Variants in NALCN observed in about 807,000 individuals in gnomAD.
The protein encoded by NALCN is sodium leak channel NALCN.
Under a neutral mutation model 225.3 loss-of-function variants are expected in NALCN, and 111 were observed. That is an observed-to-expected ratio of 0.49 (90% CI 0.42 to 0.58). NALCN has a LOEUF of 0.58. Among genes scored for constraint, NALCN ranks in the 20% least tolerant of loss-of-function variants. The pLI is 0.00. For synonymous variants in NALCN, 764 were observed against 769.0 expected (o/e 0.99, Z 0.11); for missense variants, 1,378 against 2,202.4 (o/e 0.63, Z 7.49).
At chr13:101,346,079 CTCTCTCTCTA>C (rs1187797608) in intron 6 of NALCN, among the ~76,000 whole-genome samples, 6 of 92,756 alleles carry the variant, frequency 6.5e-5, no homozygotes, top group Non-Finnish European at 8.8e-5. Flanking sequence ...CTCTCTCTCT[CTCTCTCTCTA>C]TATATATATA....
At chr13:101,252,521 AG>A (rs1007233106) in intron 11 of NALCN, among the ~76,000 whole-genome samples, 2 of 152,132 alleles carry the variant, frequency 1.3e-5, no homozygotes, top group Non-Finnish European at 2.9e-5. Flanking sequence ...CATGAGTAGC[AG>A]GGGAAGAGCC....
chr13:101,359,535 T>C (rs2046163179), intron 6 of NALCN, among the ~76,000 whole-genome samples: 1 of 152,248 alleles, frequency 6.6e-6, no homozygotes, highest in African/African-American at 2.4e-5. Context: ...TTAATGTTTA[T>C]GATTCACTTG....
chr13:101,121,075 C>A (rs552753423), intron 18 of NALCN, among the ~76,000 whole-genome samples: 1 of 152,228 alleles, frequency 6.6e-6, no homozygotes, highest in South Asian at 2.1e-4. Flanking sequence ...ATTATTCAGA[C>A]AATCTTTTTA....
At chr13:101,155,082 A>C (rs371552152) in intron 15 of NALCN, among the ~76,000 whole-genome samples, 2 of 151,716 alleles carry the variant, frequency 1.3e-5, no homozygotes, top group African/African-American at 4.8e-5. Flanking sequence ...ATTACAGCTT[A>C]CCATAGAAAA....
chr13:101,170,573 C>G (rs2038664942), intron 15 of NALCN, among the ~76,000 whole-genome samples: 1 of 152,152 alleles, frequency 6.6e-6, no homozygotes, highest in Admixed American at 6.5e-5. Flanking sequence ...AAACATTCAC[C>G]TAGAGCTCAT....
At chr13:101,390,852 G>A (rs1396784597) in intron 3 of NALCN, among the ~76,000 whole-genome samples, 1 of 140,340 alleles carries the variant, frequency 7.1e-6, no homozygotes. Context: ...AGCAAAGAAA[G>A]AAACTAATAA....
At chr13:101,203,444 T>C (rs183257648) in intron 13 of NALCN, among the ~76,000 whole-genome samples, 4 of 152,294 alleles carry the variant, frequency 2.6e-5, no homozygotes, top group Admixed American at 2.0e-4. Flanking sequence ...CTTGAACTCC[T>C]GACCTCAGGT....
chr13:101,133,234 G>C (rs924107519), intron 17 of NALCN, among the ~76,000 whole-genome samples: 5 of 152,144 alleles, frequency 3.3e-5, no homozygotes, highest in African/African-American at 9.7e-5. Flanking sequence ...ATATTTATTT[G>C]ACAAAGCACA....
chr13:101,235,460 T>A (rs544761989), intron 12 of NALCN, among the ~76,000 whole-genome samples: 1 of 152,214 alleles, frequency 6.6e-6, no homozygotes, highest in South Asian at 2.1e-4. Flanking sequence ...ATATAAAGGA[T>A]ATTCTCTATA....
rs547481581 is a variant in NALCN, at chr13:101,278,290, C to G, written c.1134+5643G>C. The stretch of plus-strand genomic sequence containing the variant: ...CTGTAATCCCAGCACTTTGGGAGGC[C>G]GAGGTGGGCGGATCATGAGGTCAGG... On this transcript the variant is annotated intron_variant, in intron 10 of 43. Transcript: ENST00000251127. Among the ~76,000 whole-genome samples, 29 of 151,962 alleles carry G rather than the reference C, an allele frequency of 1.9e-4. 1 individual carries two copies. The East Asian group carries it at 5.0e-3, about 26-fold the overall frequency.
intron 7 of NALCN, among the ~76,000 whole-genome samples, chr13:101,302,695 T>G (rs755947547): frequency 1.3e-5 from 2 of 152,154 alleles, no homozygotes; most frequent in African/African-American, 2.4e-5. Flanking sequence ...TGGTTAAAAC[T>G]GAATAGAAAA....
intron 6 of NALCN, among the ~76,000 whole-genome samples, chr13:101,357,791 C>G (rs1178653254): frequency 6.6e-6 from 1 of 152,094 alleles, no homozygotes; most frequent in African/African-American, 2.4e-5. Context: ...AACTATACTA[C>G]AAGGCTAGAG....
At chr13:101,156,397 C>T (rs1043400194) in intron 15 of NALCN, among the ~76,000 whole-genome samples, 7 of 152,092 alleles carry the variant, frequency 4.6e-5, no homozygotes, top group African/African-American at 9.7e-5. Flanking sequence ...CTTCTAGGCT[C>T]CCTCAGCAGA....
At position 101,400,770 on chromosome 13, in the gene NALCN, C is replaced by T. The variant is rs140228491; in HGVS notation, c.-39-1605G>A. ...CCTGATATGGGTTGGCTGTGTCCTC[C>T]CACCCCCCAAAATTTCATCTTGAAT... On this transcript the variant is annotated intron_variant, in intron 1 of 43. Transcript: ENST00000251127. Among the ~76,000 whole-genome samples, 277 of 152,132 alleles carry T rather than the reference C, an allele frequency of 1.8e-3. 2 individuals carry two copies. In the East Asian group the frequency reaches 0.023, roughly 13 times the overall value.
intron 6 of NALCN, among the ~76,000 whole-genome samples, chr13:101,349,409 T>C (rs934994446): frequency 2.0e-5 from 3 of 152,158 alleles, no homozygotes; most frequent in Admixed American, 1.3e-4. Context: ...TGTGAGTAGA[T>C]AATGTTGCAT....
chr13:101,139,883 T>C (rs1041004939), intron 17 of NALCN, among the ~76,000 whole-genome samples: 1 of 152,206 alleles, frequency 6.6e-6, no homozygotes, highest in Non-Finnish European at 1.5e-5. Flanking sequence ...TGTGCTTCCA[T>C]TAAATCCTTA....
chr13:101,076,312 G>A (rs1331609281), intron 34 of NALCN, among the ~76,000 whole-genome samples: 2 of 152,150 alleles, frequency 1.3e-5, no homozygotes, highest in African/African-American at 4.8e-5. Context: ...CAAAGAGAAA[G>A]GGCTGATGGT....
Position 101,343,502 on chromosome 13 carries a change from T to C in NALCN, c.799+1764A>G, listed in dbSNP as rs930527681. Among the ~76,000 whole-genome samples, 6 of 152,298 alleles carry C rather than the reference T, an allele frequency of 3.9e-5. No homozygotes were observed. The East Asian group carries it at 1.2e-3, about 29-fold the overall frequency. On this transcript the variant is annotated intron_variant, in intron 7 of 43. Coordinates refer to ENST00000251127, the MANE Select transcript of NALCN (RefSeq NM_052867.4). ...CAAACATGCCTGGTTACCAATGAAT[T>C]AAAAAGACATACGCTTTGTTGAGCC...
intron 10 of NALCN, among the ~76,000 whole-genome samples, chr13:101,264,640 T>C (rs1289608142): frequency 6.6e-6 from 1 of 152,182 alleles, no homozygotes; most frequent in Non-Finnish European, 1.5e-5. Context: ...AGCACTGTTG[T>C]AGGGGATACT....
Sources: gnomAD v4.1 joint callset for allele counts (sites outside exome capture counted in the v4.1 genomes callset) on GRCh38, gnomAD v4.1.1 for gene constraint, MANE v1.5 for transcripts, NCBI Gene and HGNC (gene_info 2026-07-23, HGNC 2026-07-21) for gene names.